Variants in LVRN observed in about 807,000 individuals in gnomAD.
LVRN encodes the protein aminopeptidase Q.
Under a neutral mutation model 111.4 loss-of-function variants are expected in LVRN, and 99 were observed. That is an observed-to-expected ratio of 0.89 (90% confidence interval 0.76 to 1.05). LVRN has a LOEUF of 1.05. Ranked by LOEUF, LVRN falls within the 50% of genes least tolerant of loss-of-function variation. The pLI, the probability that LVRN is intolerant of heterozygous loss-of-function variation, is 0.00. For synonymous variants in LVRN, 488 were observed against 449.5 expected, an observed-to-expected ratio of 1.09 and a Z score of -1.08; for missense variants, 1,414 against 1,206.8, an observed-to-expected ratio of 1.17 and a Z score of -2.54.
At chr5:116,012,105 A>C (rs111446975) in intron 14 of LVRN, among the ~76,000 whole-genome samples, 1,604 of 152,302 alleles carry the variant, frequency 0.011, 32 homozygotes, top group African/African-American at 0.036. Flanking sequence ...TGTGCCAGGC[A>C]ATGTGCTTGC....
chr5:116,012,240 C>G (rs1748505651), intron 14 of LVRN, 134 bp from the exon 15 acceptor site: 2 of 581,246 alleles, frequency 3.4e-6, no homozygotes, highest in East Asian at 6.7e-5. Context: ...TATTTAGTAA[C>G]AGATAAAGGT....
chr5:116,014,348 A>T lies in LVRN; in HGVS notation c.2343-72A>T. On this transcript the variant is annotated intron_variant, in intron 15 of 19. Coordinates refer to ENST00000357872, the MANE Select transcript of LVRN (RefSeq NM_173800.5). ...AAATACCCATCTTTTTATGAAACAC[A>T]TATTCTTGGAGGCAGAGAAAATGAA... The T allele has an allele frequency of 3.8e-6, 4 of 1,051,764 alleles. No homozygotes were observed. The South Asian group carries it at 4.2e-5, about 11-fold the overall frequency. 65.2% of individuals were successfully genotyped at this position (1,051,764 alleles called of 1,614,324 possible). A position where few individuals can be genotyped will look rare whatever the true frequency, so the allele number is the denominator to read the frequency against.
rs1196993399 is a variant in LVRN, at chr5:115,999,816, C to T, written c.1429C>T (p.Leu477=). 1 of 1,613,344 alleles carries T rather than the reference C, an allele frequency of 6.2e-7. No individual in the cohort carries two copies. Among genetic ancestry groups the T allele is most frequent in the South Asian group, 1.1e-5 (1 of 91,030 alleles). ...LHNILREDHA[L]VTRAVAMKVE... is the part of the protein sequence containing the mutation. ...TAATATCCTCAGAGAAGATCACGCC[C>T]TGGTGACTAGAGCTGTGGCCATGAA... is the stretch of plus-strand genomic sequence containing the variant. Residue 477 remains leucine (L), a synonymous_variant, in exon 7 of 20, where the codon CTG becomes TTG. Transcript: ENST00000357872.
chr5:115,971,547 A>G (rs980047419), intron 1 of LVRN, among the ~76,000 whole-genome samples: 1 of 152,128 alleles, frequency 6.6e-6, no homozygotes, highest in African/African-American at 2.4e-5. Flanking sequence ...ATTCAACTGT[A>G]CCACTGCCAT....
At chr5:116,014,821 T>C (rs1748565665) in intron 16 of LVRN, among the ~76,000 whole-genome samples, 1 of 152,074 alleles carries the variant, frequency 6.6e-6, no homozygotes, top group African/African-American at 2.4e-5. Flanking sequence ...TCTTAATAGG[T>C]TGTTCTTTAT....
At chr5:115,991,983 TA>T in intron 4 of LVRN, 139 bp from the exon 5 acceptor site, 1 of 729,616 alleles carries the variant, frequency 1.4e-6, no homozygotes, top group South Asian at 2.3e-5. Context: ...CATTAGTCTT[TA>T]AAAAGCCTTC....
At position 116,026,598 on chromosome 5, in the gene LVRN, A is replaced by G. The variant is rs555808683; in HGVS notation, c.*480A>G. 1 of 182,502 alleles carries G rather than the reference A, an allele frequency of 5.5e-6. No homozygotes were observed. The highest frequency in any genetic ancestry group is 2.4e-5 in the African/African-American group (1 of 41,736). The allele number at this position is 182,502 out of a possible 1,614,324, so 11.3% of individuals were successfully genotyped here. A position where few individuals can be genotyped will look rare whatever the true frequency, so the allele number is the denominator to read the frequency against. On this transcript the variant is annotated 3_prime_UTR_variant, in exon 20 of 20. Coordinates refer to ENST00000357872, the MANE Select transcript of LVRN (RefSeq NM_173800.5). ...ATAAAAAGACAGAAACTCAAAAAGTATATTCACTAGAAGACAGTGGAGCCA... is the reference window on the plus strand; with the variant it reads ...ATAAAAAGACAGAAACTCAAAAAGTGTATTCACTAGAAGACAGTGGAGCCA...
At chr5:115,964,842 A>G (rs1431787905) in intron 1 of LVRN, among the ~76,000 whole-genome samples, 14 of 152,238 alleles carry the variant, frequency 9.2e-5, no homozygotes, top group Admixed American at 9.2e-4. Context: ...ACCAAGGTAG[A>G]GCTCCAAAAT....
chr5:116,012,288 T>G, intron 14 of LVRN, 86 bp from the exon 15 acceptor site: 1 of 735,434 alleles, frequency 1.4e-6, no homozygotes, highest in Non-Finnish European at 2.3e-6. Flanking sequence ...TCTATCAATG[T>G]CTTTTCAGAT....
intron 1 of LVRN, among the ~76,000 whole-genome samples, chr5:115,981,457 G>A (rs1056701254): frequency 1.3e-5 from 2 of 151,996 alleles, no homozygotes; most frequent in Non-Finnish European, 2.9e-5. Context: ...ATTTTTGTGG[G>A]TATAATAGTA....
intron 1 of LVRN, among the ~76,000 whole-genome samples, chr5:115,980,037 C>G (rs747108970): frequency 6.6e-6 from 1 of 152,128 alleles, no homozygotes; most frequent in Non-Finnish European, 1.5e-5. Flanking sequence ...GTCCATGATT[C>G]TCTTTCCAGA....
intron 15 of LVRN, among the ~76,000 whole-genome samples, chr5:116,014,009 A>G (rs898280928): frequency 1.2e-4 from 19 of 152,228 alleles, no homozygotes; most frequent in African/African-American, 4.3e-4. Context: ...CCTTTCTTTT[A>G]TAGAGAAAGA....
chr5:115,968,619 C>G (rs1295173225), intron 1 of LVRN, among the ~76,000 whole-genome samples: 3 of 152,040 alleles, frequency 2.0e-5, no homozygotes, highest in Non-Finnish European at 4.4e-5. Context: ...GATAAGAGCC[C>G]TTGCTGTATA....
At chr5:116,000,394 G>C (rs1256456324) in intron 7 of LVRN, 39 bp from the exon 8 acceptor site, 4 of 1,600,762 alleles carry the variant, frequency 2.5e-6, no homozygotes, top group East Asian at 4.5e-5. Context: ...TGTGGATATT[G>C]AATTTTGTTC....
intron 1 of LVRN, among the ~76,000 whole-genome samples, chr5:115,971,022 G>A (rs987065407): frequency 6.6e-6 from 1 of 152,082 alleles, no homozygotes; most frequent in Non-Finnish European, 1.5e-5. Context: ...ACCAGCAGTT[G>A]GTATTGCCAG....
intron 19 of LVRN, among the ~76,000 whole-genome samples, chr5:116,025,178 G>A (rs1003463315): frequency 6.6e-6 from 1 of 152,082 alleles, no homozygotes; most frequent in Middle Eastern, 3.2e-3. Context: ...AGTGGGGGAG[G>A]ATTGTTCCTG....
At chr5:116,011,328 CAG>C (rs1308006164) in intron 14 of LVRN, among the ~76,000 whole-genome samples, 2 of 151,064 alleles carry the variant, frequency 1.3e-5, no homozygotes, top group African/African-American at 2.4e-5. Flanking sequence ...CACTTAAATC[CAG>C]AGAGATATAT....
chr5:115,976,268 C>T (rs1753447940), intron 1 of LVRN: 1 of 152,306 alleles, frequency 6.6e-6, no homozygotes, highest in African/African-American at 2.4e-5. Flanking sequence ...CAGATAATGG[C>T]ATTGGCTCCT....
intron 5 of LVRN, among the ~76,000 whole-genome samples, chr5:115,993,474 A>G (rs1474077506): frequency 6.6e-6 from 1 of 152,148 alleles, no homozygotes; most frequent in African/African-American, 2.4e-5. Flanking sequence ...ATTCTAGCTG[A>G]CCTTATGTTT....
Sources: gnomAD v4.1 joint callset for allele counts (sites outside exome capture counted in the v4.1 genomes callset) on GRCh38, gnomAD v4.1.1 for gene constraint, MANE v1.5 for transcripts, NCBI Gene and HGNC (gene_info 2026-07-23, HGNC 2026-07-21) for gene names.